OPA3: variants seen among roughly 807,000 people sequenced by gnomAD.
The protein encoded by OPA3 is optic atrophy 3 protein.
OPA3 carries 6 observed loss-of-function variants against 4.0 expected under a neutral mutation model. The ratio of observed to expected loss-of-function variants is 1.51; its 90% CI spans 0.83 to 2.99. The LOEUF (loss-of-function observed/expected upper bound fraction) is 2.99, where lower values mean the gene tolerates loss of function less well. Among genes scored for constraint, OPA3 ranks in the 30% most tolerant of loss-of-function variants. The probability of loss-of-function intolerance (pLI) is 0.00; values close to 1 mark genes in which losing one functional copy is unlikely to be tolerated. For synonymous variants in OPA3, 105 were observed against 117.1 expected (o/e 0.90, Z 0.67); for missense variants, 235 against 256.2 (o/e 0.92, Z 0.56).
intron 1 of OPA3, among the ~76,000 whole-genome samples, chr19:45,535,074 G>A (rs1969101663): frequency 4.6e-5 from 7 of 152,004 alleles, no homozygotes; most frequent in Admixed American, 3.3e-4. Context: ...TAATTTGCAG[G>A]TTCCCAACAA....
At chr19:45,534,560 CAAA>C (rs71173177) in intron 1 of OPA3, among the ~76,000 whole-genome samples, 1 of 54,978 alleles carries the variant, frequency 1.8e-5, no homozygotes, top group Non-Finnish European at 3.1e-5. Flanking sequence ...AACTCTGTCC[CAAA>C]AAAAAAAAAA....
intron 1 of OPA3, among the ~76,000 whole-genome samples, chr19:45,562,872 C>A (rs1437581738): frequency 6.6e-6 from 1 of 152,130 alleles, no homozygotes; most frequent in African/African-American, 2.4e-5. Context: ...AAAATGTTAT[C>A]ATCCGGAGAC....
At chr19:45,529,573 G>GCACAAT (rs1568394231) in intron 1 of OPA3, 8 of 1,311,712 alleles carry the variant, frequency 6.1e-6, no homozygotes, top group Non-Finnish European at 8.7e-6. Flanking sequence ...ACAATCGGAC[G>GCACAAT]CGTGCTGGCG....
chr19:45,570,109 T>C (rs1296291421), intron 1 of OPA3, among the ~76,000 whole-genome samples: 2 of 152,150 alleles, frequency 1.3e-5, no homozygotes, highest in Admixed American at 6.6e-5. Context: ...CCACTTGGCA[T>C]ATTGCTTGCA....
chr19:45,534,205 T>G (rs1302514968), intron 1 of OPA3, among the ~76,000 whole-genome samples: 3 of 151,788 alleles, frequency 2.0e-5, no homozygotes, highest in African/African-American at 7.3e-5. Flanking sequence ...TCCAAGGGAG[T>G]TTTCTGCGAA....
At chr19:45,578,979 A>T (rs1294428654) in intron 1 of OPA3, among the ~76,000 whole-genome samples, 3 of 152,040 alleles carry the variant, frequency 2.0e-5, no homozygotes, top group Non-Finnish European at 4.4e-5. Flanking sequence ...TCCCGTCATC[A>T]GTTTCCTCTG....
intron 1 of OPA3, among the ~76,000 whole-genome samples, chr19:45,564,616 T>G (rs1969555404): frequency 6.6e-6 from 1 of 152,136 alleles, no homozygotes; most frequent in Non-Finnish European, 1.5e-5. Flanking sequence ...GAGGTCCAGA[T>G]AGGGGCTCTG....
intron 1 of OPA3, 43 bp from the exon 2 acceptor site, chr19:45,553,954 C>G (rs1969383473): frequency 6.5e-7 from 1 of 1,526,850 alleles, no homozygotes; most frequent in South Asian, 1.2e-5. Context: ...TGGGAGCCCC[C>G]TGCAAGCCCC....
downstream of OPA3, among the ~76,000 whole-genome samples, chr19:45,544,795 AAAATAAAT>A (rs200192671): frequency 0.03 from 4,217 of 140,710 alleles, 186 homozygotes; most frequent in African/African-American, 0.1. Flanking sequence ...ACTCCGTCTC[AAAATAAAT>A]AAATAAATAA....
chr19:45,556,857 C>A (rs930415360), intron 1 of OPA3, among the ~76,000 whole-genome samples: 1 of 152,170 alleles, frequency 6.6e-6, no homozygotes, highest in African/African-American at 2.4e-5. Context: ...CTGTGGAGAC[C>A]CCTCCCACAC....
At chr19:45,564,863 T>C (rs1969559263) in intron 1 of OPA3, among the ~76,000 whole-genome samples, 2 of 152,220 alleles carry the variant, frequency 1.3e-5, no homozygotes, top group African/African-American at 2.4e-5. Context: ...AAATGTCCTA[T>C]CATAAGTCTC....
chr19:45,537,388 CTCTG>C (rs571412955), intron 1 of OPA3, among the ~76,000 whole-genome samples: 24 of 57,022 alleles, frequency 4.2e-4, no homozygotes, highest in African/African-American at 2.3e-3. Flanking sequence ...CAGAGCAAGA[CTCTG>C]TCTCAAAAAA....
intron 1 of OPA3, among the ~76,000 whole-genome samples, chr19:45,539,645 G>A (rs559246255): frequency 2.4e-4 from 37 of 151,784 alleles, no homozygotes; most frequent in African/African-American, 8.5e-4. Context: ...CGGGCGTGGC[G>A]GTGCATGTCT....
At chr19:45,529,600 G>C in intron 1 of OPA3, 1 of 958,524 alleles carries the variant, frequency 1.0e-6, no homozygotes. Context: ...CCTTAACGAA[G>C]ACAAGTGCAG....
chr19:45,534,586 A>C (rs117520038), intron 1 of OPA3, among the ~76,000 whole-genome samples: 1 of 138,934 alleles, frequency 7.2e-6, no homozygotes, highest in Admixed American at 7.5e-5. Flanking sequence ...AAAAAAGTCA[A>C]GTAAAGAAAA....
intron 1 of OPA3, among the ~76,000 whole-genome samples, chr19:45,573,344 G>A (rs778802098): frequency 6.6e-6 from 1 of 151,998 alleles, no homozygotes; most frequent in African/African-American, 2.4e-5. Flanking sequence ...TCAGCTACTC[G>A]GGAGGCTGAG....
At chr19:45,562,368 A>AGAAAAAG (rs1353880755) in intron 1 of OPA3, among the ~76,000 whole-genome samples, 1 of 149,268 alleles carries the variant, frequency 6.7e-6, no homozygotes, top group Non-Finnish European at 1.5e-5. Context: ...AAAAAAGAAA[A>AGAAAAAG]GAAAAAGGAA....
At chr19:45,534,577 A>AAAG (rs1383598070) in intron 1 of OPA3, among the ~76,000 whole-genome samples, 4 of 151,086 alleles carry the variant, frequency 2.6e-5, no homozygotes, top group Non-Finnish European at 5.9e-5. Flanking sequence ...AAAAAAAAAA[A>AAAG]AAAAGTCAAG....
At chr19:45,577,782 C>T (rs1205079683) in intron 1 of OPA3, among the ~76,000 whole-genome samples, 4 of 147,282 alleles carry the variant, frequency 2.7e-5, no homozygotes, top group Non-Finnish European at 4.4e-5. Flanking sequence ...GTGGTGTTCC[C>T]GCCAAACATG....
Sources: gnomAD v4.1 joint callset for allele counts (sites outside exome capture counted in the v4.1 genomes callset) on GRCh38, gnomAD v4.1.1 for gene constraint, MANE v1.5 for transcripts, NCBI Gene and HGNC (gene_info 2026-07-23, HGNC 2026-07-21) for gene names.